The following NXN variants were observed in gnomAD, a reference collection of about 807,000 sequenced individuals.
NXN encodes nucleoredoxin 1.
In NXN, 16 loss-of-function variants were observed where a neutral mutation model predicts 48.6. The observed-to-expected ratio is 0.33, with a 90% CI of 0.22 to 0.50. The LOEUF (loss-of-function observed/expected upper bound fraction) is 0.50, where lower values mean the gene tolerates loss of function less well. Ranked by LOEUF, NXN falls within the 20% of genes least tolerant of loss-of-function variation. The probability of loss-of-function intolerance (pLI) is 0.98; values close to 1 mark genes in which losing one functional copy is unlikely to be tolerated. For missense variants in NXN, 492 were observed against 605.5 expected, an observed-to-expected ratio of 0.81 and a Z score of 1.97; for synonymous variants, 281 against 269.6, an observed-to-expected ratio of 1.04 and a Z score of -0.41.
chr17:835,506 G>C (rs1913764100), intron 1 of NXN, among the ~76,000 whole-genome samples: 1 of 152,154 alleles, frequency 6.6e-6, no homozygotes, highest in Non-Finnish European at 1.5e-5. Context: ...AGTTCCCACT[G>C]CTCCGCCTGG....
At chr17:966,504 C>G (rs180955485) in intron 1 of NXN, among the ~76,000 whole-genome samples, 353 of 152,146 alleles carry the variant, frequency 2.3e-3, no homozygotes, top group Non-Finnish European at 3.8e-3. Context: ...TGCGCCACCA[C>G]GCCCGGCTAA....
At chr17:837,940 C>A (rs990015576) in intron 1 of NXN, among the ~76,000 whole-genome samples, 1 of 152,136 alleles carries the variant, frequency 6.6e-6, no homozygotes, top group African/African-American at 2.4e-5. Flanking sequence ...GTGAGGTTCA[C>A]AAAACAACAT....
chr17:895,747 G>A (rs1261999056), intron 1 of NXN, among the ~76,000 whole-genome samples: 5 of 149,244 alleles, frequency 3.4e-5, no homozygotes, highest in African/African-American at 1.2e-4. Flanking sequence ...GAACCTGAGA[G>A]GCGGAGCTTG....
intron 1 of NXN, among the ~76,000 whole-genome samples, chr17:971,563 A>G (rs879696185): frequency 6.6e-6 from 1 of 151,470 alleles, no homozygotes; most frequent in African/African-American, 2.4e-5. Flanking sequence ...ACAAAAAATT[A>G]GCCGGGCGTG....
At chr17:817,424 C>A (rs1247648751) in intron 5 of NXN, among the ~76,000 whole-genome samples, 1 of 152,166 alleles carries the variant, frequency 6.6e-6, no homozygotes, top group Non-Finnish European at 1.5e-5. Context: ...AATCCCAGCA[C>A]TTTGGGAGGC....
intron 1 of NXN, chr17:907,584 C>G (rs2068592669): frequency 6.7e-6 from 1 of 149,314 alleles, no homozygotes; most frequent in Non-Finnish European, 1.5e-5. Flanking sequence ...AGGTGATCCT[C>G]CCGCCTTGGC....
intron 1 of NXN, among the ~76,000 whole-genome samples, chr17:884,539 G>T (rs1019111039): frequency 6.6e-6 from 1 of 152,220 alleles, no homozygotes; most frequent in Non-Finnish European, 1.5e-5. Flanking sequence ...CTGTCCAGGG[G>T]AAGGACAACA....
At chr17:820,309 A>T (rs1249087995) in intron 4 of NXN, among the ~76,000 whole-genome samples, 1 of 152,214 alleles carries the variant, frequency 6.6e-6, no homozygotes, top group Non-Finnish European at 1.5e-5. Context: ...TTGATGCTTA[A>T]AACTTTAAAA....
chr17:917,358 G>A lies in NXN; in HGVS notation c.360+61961C>T, dbSNP rs555543813. 9.2e-4 allele frequency among the ~76,000 whole-genome samples: 140 copies of A among 152,202 alleles called. No individual in the cohort carries two copies. The highest frequency in any genetic ancestry group is 1.4e-3 in the Non-Finnish European group (94 of 68,040). Reference sequence around the variant, plus strand: ...GGGTTTCACCATGTTGGCCAGGCTGGTCTCAATCTCTTGACCTCGTGATCC... The same window carrying A: ...GGGTTTCACCATGTTGGCCAGGCTGATCTCAATCTCTTGACCTCGTGATCC... On this transcript the variant is annotated intron_variant, in intron 1 of 7. Transcript: ENST00000336868. This position sits in a 1 kb window ranked among gnomAD's most constrained non-coding sequence, Gnocchi z 4.5.
intron 1 of NXN, among the ~76,000 whole-genome samples, chr17:903,881 CG>C (rs1242201641): frequency 6.6e-6 from 1 of 152,128 alleles, no homozygotes; most frequent in East Asian, 1.9e-4. Flanking sequence ...CCCACTGGGG[CG>C]GCCCCCTCCG....
rs1003030464 is a variant in NXN at position 869,274 on chromosome 17, G to A, written c.361-43196C>T. Among the ~76,000 whole-genome samples the A allele has an allele frequency of 7.2e-5, 11 of 152,270 alleles. 1 individual carries two copies. Among genetic ancestry groups the A allele is most frequent in the Admixed American group, 5.2e-4 (8 of 15,284 alleles). On this transcript the variant is annotated intron_variant, in intron 1 of 7. Coordinates refer to ENST00000336868, the MANE Select transcript of NXN (RefSeq NM_022463.5). Reference sequence around the variant, plus strand: ...AAAGGCCAGAACGAAAGGCCAGCACGGCTTAAGAGGGCCGTCCAGAACTGG... The same window carrying A: ...AAAGGCCAGAACGAAAGGCCAGCACAGCTTAAGAGGGCCGTCCAGAACTGG...
At chr17:817,996 C>T (rs369089483) in intron 5 of NXN, among the ~76,000 whole-genome samples, 2 of 152,186 alleles carry the variant, frequency 1.3e-5, no homozygotes, top group East Asian at 1.9e-4. Context: ...CAGTGGCTCA[C>T]GCCTGTCATC....
chr17:890,384 T>C (rs893142678), intron 1 of NXN, among the ~76,000 whole-genome samples: 14 of 152,148 alleles, frequency 9.2e-5, no homozygotes, highest in Non-Finnish European at 1.9e-4. Flanking sequence ...TTTTTCTTTT[T>C]GTTTTTTGAG....
chr17:818,297 T>C (rs1236426476), intron 5 of NXN, among the ~76,000 whole-genome samples: 2 of 152,068 alleles, frequency 1.3e-5, no homozygotes, highest in African/African-American at 4.8e-5. Context: ...ACACCATGAT[T>C]AGTACTCTAA....
At chr17:921,103 C>T (rs1175154920) in intron 1 of NXN, among the ~76,000 whole-genome samples, 3 of 152,142 alleles carry the variant, frequency 2.0e-5, no homozygotes, top group African/African-American at 7.2e-5. Flanking sequence ...GCATCTATAT[C>T]ACAGCTTTGT....
chr17:823,500 G>T, intron 3 of NXN, 132 bp downstream of exon 3: 1 of 939,900 alleles, frequency 1.1e-6, no homozygotes, highest in Non-Finnish European at 1.6e-6. Context: ...CCAGGCCTCG[G>T]GCACAGGAGA....
intron 1 of NXN, among the ~76,000 whole-genome samples, chr17:869,391 G>T (rs1014999872): frequency 6.6e-6 from 1 of 152,134 alleles, no homozygotes; most frequent in African/African-American, 2.4e-5. Context: ...AGCGACCTGA[G>T]GTTCCAGGGG....
rs193165884 is a variant in NXN at position 805,234 on chromosome 17, G to A, written c.834C>T (p.Leu278=). 3.1e-6 allele frequency: 5 copies of A among 1,610,508 alleles called. No individual in the cohort carries two copies. The South Asian group carries it at 4.4e-5, about 14-fold the overall frequency. ...CCTCGCCCTGCGGGTCCAGCATGAT[G>A]AGCGTGGGGATGCCTGCAGGGAAGA... ...RLYGIQGIPT[L]IMLDPQGEVI... The change falls in exon 6 of 8, where the codon CTC becomes CTT. Residue 278 remains leucine, a synonymous_variant. Coordinates refer to ENST00000336868, the MANE Select transcript of NXN (RefSeq NM_022463.5).
intron 5 of NXN, among the ~76,000 whole-genome samples, chr17:808,928 C>T (rs7207226): frequency 0.19 from 28,411 of 151,884 alleles, 2,799 homozygotes; most frequent in East Asian, 0.29. Context: ...CTGCCCGCCT[C>T]GGCCTCCCAA....
Sources: allele counts gnomAD v4.1 joint callset (sites outside exome capture counted in the v4.1 genomes callset), GRCh38; gene constraint gnomAD v4.1.1; non-coding constraint Gnocchi (gnomAD v3.1); transcripts MANE v1.5; gene names NCBI Gene and HGNC (gene_info 2026-07-23, HGNC 2026-07-21).